Variants in PTBP2 observed in about 807,000 individuals in gnomAD.
The protein encoded by PTBP2 is polypyrimidine tract binding protein 2, also known as polypyrimidine tract-binding protein 2.
A neutral mutation model predicts 61.4 loss-of-function variants in PTBP2; 13 were observed. That is an observed-to-expected ratio of 0.21 (90% CI 0.14 to 0.34). The LOEUF is 0.34. Among genes scored for constraint, PTBP2 ranks in the 10% least tolerant of loss-of-function variants. The pLI, the probability that PTBP2 is intolerant of heterozygous loss-of-function variation, is 1.00. For synonymous variants in PTBP2, 215 were observed against 218.5 expected (o/e 0.98, Z 0.14); for missense variants, 405 against 642.6 (o/e 0.63, Z 4.00).
intron 3 of PTBP2, 97 bp from the exon 4 acceptor site, chr1:96,769,606 G>A (rs1010521595): frequency 2.2e-6 from 2 of 898,868 alleles, no homozygotes; most frequent in Non-Finnish European, 3.2e-6. Flanking sequence ...ATGTTTTTAA[G>A]TTCTTTTTGG....
intron 3 of PTBP2, among the ~76,000 whole-genome samples, chr1:96,761,267 G>A (rs771995043): frequency 2.3e-4 from 35 of 151,966 alleles, no homozygotes; most frequent in Non-Finnish European, 5.9e-5. Context: ...TCCAGTAGTT[G>A]TGTCTTGCTG....
exon 14 of PTBP2, chr1:96,823,474 C>T (rs1341253912): frequency 6.6e-6 from 1 of 152,082 alleles, no homozygotes; most frequent in African/African-American, 2.4e-5. Context: ...GCAAAAACCC[C>T]TTTATAAAAA....
chr1:96,733,411 G>T (rs1013766943), intron 2 of PTBP2, among the ~76,000 whole-genome samples: 6 of 152,146 alleles, frequency 3.9e-5, no homozygotes, highest in African/African-American at 1.4e-4. Flanking sequence ...TGGAATGGTG[G>T]CTCACACCTG....
chr1:96,786,645 T>C (rs7524687), intron 8 of PTBP2, among the ~76,000 whole-genome samples: 6,832 of 152,298 alleles, frequency 0.045, 477 homozygotes, highest in African/African-American at 0.15. Context: ...CTAGGTCATA[T>C]TCATTCAGCT....
At chr1:96,782,203 G>T (rs1448216364) in intron 7 of PTBP2, among the ~76,000 whole-genome samples, 3 of 151,886 alleles carry the variant, frequency 2.0e-5, no homozygotes, top group Non-Finnish European at 2.9e-5. Context: ...ACAGTATATT[G>T]TGTCTTCTGG....
At chr1:96,728,618 G>T (rs1236694343) in intron 2 of PTBP2, among the ~76,000 whole-genome samples, 1 of 152,086 alleles carries the variant, frequency 6.6e-6, no homozygotes, top group Non-Finnish European at 1.5e-5. Context: ...CACTTACTTA[G>T]TCTTGGCCCT....
chr1:96,789,146 C>T (rs898486632), intron 8 of PTBP2, among the ~76,000 whole-genome samples: 1 of 151,954 alleles, frequency 6.6e-6, no homozygotes, highest in African/African-American at 2.4e-5. Flanking sequence ...TATCTACATT[C>T]TAAAAATTAG....
At chr1:96,761,346 A>ATGTGTGTGTGTGTGTGTGTGTGTGTG (rs57451223) in intron 3 of PTBP2, among the ~76,000 whole-genome samples, 5 of 140,480 alleles carry the variant, frequency 3.6e-5, no homozygotes, top group African/African-American at 1.3e-4. Flanking sequence ...GTGGGATTTG[A>ATGTGTGTGTGTGTGTGTGTGTGTGTG]TGTGTGTGTG....
chr1:96,791,838 T>TTTTTTTGTTTTTTTTTTG lies in PTBP2; in HGVS notation c.904+6590_904+6591insGTTTTTTTTTTGTTTTTT, dbSNP rs1557759290. On this transcript the variant is annotated intron_variant, in intron 8 of 13. Coordinates refer to ENST00000674951, the MANE Select transcript of PTBP2 (RefSeq NM_021190.4). Reference sequence around the variant, plus strand: ...GCTTGGAGTTGTGCTTTTTTTTTTTTTTTTTTTTTTTGAGATAGAGTCTGG... The same window carrying TTTTTTTGTTTTTTTTTTG: ...GCTTGGAGTTGTGCTTTTTTTTTTTTTTTTTTGTTTTTTTTTTGTTTTTTTTTTTGAGATAGAGTCTGG... 2.2e-4 allele frequency among the ~76,000 whole-genome samples: 30 copies of TTTTTTTGTTTTTTTTTTG among 137,618 alleles called. 2 individuals carry two copies. The highest frequency in any genetic ancestry group is 8.2e-4 in the African/African-American group (29 of 35,554). 90.3% of individuals were successfully genotyped at this position (137,618 alleles called of 152,430 possible). A position where few individuals can be genotyped will look rare whatever the true frequency, so the allele number is the denominator to read the frequency against.
At chr1:96,736,615 T>C (rs1038656597) in intron 2 of PTBP2, among the ~76,000 whole-genome samples, 5 of 152,218 alleles carry the variant, frequency 3.3e-5, no homozygotes, top group African/African-American at 4.8e-5. Context: ...ATTGGTTACA[T>C]GTACAGCGGA....
chr1:96,788,959 G>A (rs1032479961), intron 8 of PTBP2, among the ~76,000 whole-genome samples: 3 of 151,962 alleles, frequency 2.0e-5, no homozygotes, highest in Non-Finnish European at 4.4e-5. Flanking sequence ...AAATGTGGCC[G>A]ACTATTAGTC....
chr1:96,768,708 A>T (rs115511674), intron 3 of PTBP2, among the ~76,000 whole-genome samples: 1,566 of 152,150 alleles, frequency 0.01, 26 homozygotes, highest in East Asian at 0.043. Flanking sequence ...TGATTGAATT[A>T]TGTTACTTTA....
chr1:96,760,369 G>A (rs1304655442), intron 3 of PTBP2, among the ~76,000 whole-genome samples: 1 of 150,148 alleles, frequency 6.7e-6, no homozygotes, highest in Non-Finnish European at 1.5e-5. Context: ...TGGCAATACC[G>A]AATGTTGATG....
rs1207852457 is a variant in PTBP2 at position 96,770,705 on chromosome 1, C to T, written c.289-3C>T. 4 of 1,608,514 alleles carry T rather than the reference C, an allele frequency of 2.5e-6. No individual in the cohort carries two copies. The highest frequency in any genetic ancestry group is 1.3e-5 in the African/African-American group (1 of 74,690). On this transcript the variant is annotated splice_polypyrimidine_tract_variant and splice_region_variant and intron_variant, in intron 4 of 13. Coordinates refer to ENST00000674951, the MANE Select transcript of PTBP2 (RefSeq NM_021190.4). ...TTAAAAATTGTGCTACTTAAATTTTCAGGCATTTTTGGAACTAGCAACCGA... is the reference window on the plus strand; with the variant it reads ...TTAAAAATTGTGCTACTTAAATTTTTAGGCATTTTTGGAACTAGCAACCGA...
chr1:96,752,819 C>T (rs750852115), intron 3 of PTBP2, among the ~76,000 whole-genome samples: 11 of 152,004 alleles, frequency 7.2e-5, no homozygotes, highest in Non-Finnish European at 1.2e-4. Flanking sequence ...GAATAAAATA[C>T]GTGGAACAAC....
At chr1:96,804,243 A>G (rs1482487842) in intron 8 of PTBP2, among the ~76,000 whole-genome samples, 1 of 152,194 alleles carries the variant, frequency 6.6e-6, no homozygotes, top group Non-Finnish European at 1.5e-5. Context: ...TAAGAAGGCA[A>G]GCACATTTTG....
intron 2 of PTBP2, among the ~76,000 whole-genome samples, chr1:96,734,903 CTTTTTTTTTT>C (rs369053938): frequency 8.0e-5 from 10 of 124,968 alleles, no homozygotes; most frequent in South Asian, 5.0e-4. Flanking sequence ...CTTTTTTTTT[CTTTTTTTTTT>C]TTTTTTTTTC....
intron 2 of PTBP2, among the ~76,000 whole-genome samples, chr1:96,732,163 T>C (rs999172715): frequency 6.6e-6 from 1 of 152,202 alleles, no homozygotes; most frequent in Non-Finnish European, 1.5e-5. Flanking sequence ...AATTATGATA[T>C]GACTATTGAA....
chr1:96,759,184 A>G (rs1431011009), intron 3 of PTBP2, among the ~76,000 whole-genome samples: 2 of 152,228 alleles, frequency 1.3e-5, no homozygotes, highest in Non-Finnish European at 2.9e-5. Flanking sequence ...AGAAGGCTCA[A>G]TATGTTAACA....
Sources: allele counts gnomAD v4.1 joint callset (sites outside exome capture counted in the v4.1 genomes callset), GRCh38; gene constraint gnomAD v4.1.1; transcripts MANE v1.5; gene names NCBI Gene and HGNC (gene_info 2026-07-23, HGNC 2026-07-21).